Variants in IPCEF1 observed in about 807,000 individuals in gnomAD.
IPCEF1 encodes the protein interactor protein for cytohesin exchange factors 1.
A neutral mutation model predicts 50.9 loss-of-function variants in IPCEF1; 31 were observed. That is an observed-to-expected ratio of 0.61 (90% confidence interval 0.46 to 0.82). The LOEUF is 0.82. IPCEF1 is among the 40% of genes least tolerant of loss of function. The pLI, the probability that IPCEF1 is intolerant of heterozygous loss-of-function variation, is 0.00. For missense variants in IPCEF1, 458 were observed against 514.0 expected, an observed-to-expected ratio of 0.89 and a Z score of 1.05; for synonymous variants, 181 against 192.0, an observed-to-expected ratio of 0.94 and a Z score of 0.47.
chr6:154,159,379 C>T lies in IPCEF1; in HGVS notation c.*449G>A, dbSNP rs995276536. 3.5e-5 allele frequency: 6 copies of T among 171,212 alleles called. No homozygotes were observed. Among genetic ancestry groups the T allele is most frequent in the African/African-American group, 1.4e-4 (6 of 41,566 alleles). The allele number at this position is 171,212 out of a possible 1,614,324, so 10.6% of individuals were successfully genotyped here. A position where few individuals can be genotyped will look rare whatever the true frequency, so the allele number is the denominator to read the frequency against. ...TCCAGTCACTGCTCTAGAAAACATT[C>T]CTCCACTCAAACAGTGATTTGGGCC... On this transcript the variant is annotated 3_prime_UTR_variant, in exon 12 of 12. Transcript: ENST00000367220.
Position 154,355,593 on chromosome 6 carries a change from A to G in IPCEF1, c.-62+1079T>C, listed in dbSNP as rs747959780. Among the ~76,000 whole-genome samples, 72 of 151,736 alleles carry G rather than the reference A, an allele frequency of 4.7e-4. 1 individual carries two copies. Among genetic ancestry groups the G allele is most frequent in the Middle Eastern group, 3.4e-3 (1 of 294 alleles). ...AACCTCCGCTTCCCGGGTTCAAGCAATTCTCCTGCCTCAGCTTCCCAGGTA... is the reference window on the plus strand; with the variant it reads ...AACCTCCGCTTCCCGGGTTCAAGCAGTTCTCCTGCCTCAGCTTCCCAGGTA... On this transcript the variant is annotated intron_variant, in intron 1 of 11. Transcript: ENST00000367220.
At chr6:154,267,678 C>T (rs148631529) in intron 2 of IPCEF1, among the ~76,000 whole-genome samples, 28 of 152,262 alleles carry the variant, frequency 1.8e-4, no homozygotes, top group African/African-American at 2.9e-4. Context: ...ATAGGCAGGT[C>T]GTCCCATGGA....
At chr6:154,247,212 G>A (rs771083426) in intron 4 of IPCEF1, 2 of 514,106 alleles carry the variant, frequency 3.9e-6, no homozygotes, top group East Asian at 3.0e-5. Context: ...GCTACTTCCC[G>A]ACTCACTGCC....
chr6:154,333,181 CTGAG>C (rs1480035120), intron 1 of IPCEF1, among the ~76,000 whole-genome samples: 6 of 152,014 alleles, frequency 3.9e-5, no homozygotes, highest in Non-Finnish European at 1.5e-5. Flanking sequence ...ATGATTAATA[CTGAG>C]TGTCAACTTG....
At chr6:154,189,291 T>C (rs1218646064) in intron 10 of IPCEF1, among the ~76,000 whole-genome samples, 1 of 152,220 alleles carries the variant, frequency 6.6e-6, no homozygotes, top group Non-Finnish European at 1.5e-5. Context: ...GCTGAAGAGA[T>C]GTATTTTGGT....
chr6:154,240,697 TCCAAA>T (rs1780509548), intron 5 of IPCEF1, among the ~76,000 whole-genome samples: 1 of 152,132 alleles, frequency 6.6e-6, no homozygotes, highest in Non-Finnish European at 1.5e-5. Flanking sequence ...AAATATGCCT[TCCAAA>T]GATAAGAGCC....
At chr6:154,341,748 A>G (rs1783922891) in intron 1 of IPCEF1, among the ~76,000 whole-genome samples, 1 of 152,240 alleles carries the variant, frequency 6.6e-6, no homozygotes, top group African/African-American at 2.4e-5. Context: ...TTACACAAAC[A>G]CTAAAGTTGG....
intron 10 of IPCEF1, among the ~76,000 whole-genome samples, chr6:154,185,916 G>A (rs868453525): frequency 6.6e-6 from 1 of 152,214 alleles, no homozygotes; most frequent in Non-Finnish European, 1.5e-5. Context: ...TAAAGCATTT[G>A]GCTGATACCT....
chr6:154,298,183 A>T (rs1782710316), intron 1 of IPCEF1, among the ~76,000 whole-genome samples: 1 of 152,196 alleles, frequency 6.6e-6, no homozygotes, highest in African/African-American at 2.4e-5. Flanking sequence ...GAATGCAAAG[A>T]TTGTTTCAAC....
intron 9 of IPCEF1, among the ~76,000 whole-genome samples, chr6:154,205,513 T>G (rs956587229): frequency 1.4e-4 from 21 of 152,174 alleles, no homozygotes; most frequent in African/African-American, 5.1e-4. Context: ...GAGAATCACT[T>G]GAACCCAGGA....
intron 5 of IPCEF1, among the ~76,000 whole-genome samples, chr6:154,236,471 ATGCTGACGGT>A (rs1780142455): frequency 6.6e-6 from 1 of 152,194 alleles, no homozygotes; most frequent in Non-Finnish European, 1.5e-5. Flanking sequence ...GAGATGGATG[ATGCTGACGGT>A]TGCACAGTAA....
At chr6:154,217,330 T>A (rs1778482060) in intron 7 of IPCEF1, 1 of 152,152 alleles carries the variant, frequency 6.6e-6, no homozygotes, top group Non-Finnish European at 1.5e-5. Context: ...TCAGAGCTCA[T>A]GGTCAGATGA....
At chr6:154,316,081 C>A (rs1583981108) in intron 1 of IPCEF1, among the ~76,000 whole-genome samples, 1 of 152,174 alleles carries the variant, frequency 6.6e-6, no homozygotes, top group Admixed American at 6.5e-5. Context: ...TAGTCTTGAA[C>A]TCCTGGCCTC....
At chr6:154,329,278 T>G (rs1334759812) in intron 1 of IPCEF1, among the ~76,000 whole-genome samples, 1 of 151,690 alleles carries the variant, frequency 6.6e-6, no homozygotes, top group Non-Finnish European at 1.5e-5. Context: ...CTGAGAGTAA[T>G]ATTTTTAGGT....
At chr6:154,337,800 T>C (rs919012171) in intron 1 of IPCEF1, among the ~76,000 whole-genome samples, 1 of 152,194 alleles carries the variant, frequency 6.6e-6, no homozygotes, top group Non-Finnish European at 1.5e-5. Context: ...CAGTCTAAGC[T>C]TTGTGGTGTA....
intron 1 of IPCEF1, among the ~76,000 whole-genome samples, chr6:154,324,959 C>T (rs1015009630): frequency 6.6e-6 from 1 of 151,984 alleles, no homozygotes; most frequent in Non-Finnish European, 1.5e-5. Context: ...AATATTTCAA[C>T]GCATATGACA....
At chr6:154,175,466 A>C (rs979800415) in intron 10 of IPCEF1, among the ~76,000 whole-genome samples, 7 of 151,872 alleles carry the variant, frequency 4.6e-5, no homozygotes, top group African/African-American at 1.7e-4. Context: ...TCAAATAGAC[A>C]CAATAAAAAA....
rs1461361816 is a variant in IPCEF1, at chr6:154,158,914, T to C, written c.*914A>G. 1.3e-5 allele frequency: 2 copies of C among 152,274 alleles called. No individual in the cohort carries two copies. The highest frequency in any genetic ancestry group is 3.8e-4 in the East Asian group (2 of 5,208). 9.4% of individuals were successfully genotyped at this position (152,274 alleles called of 1,614,324 possible). ...GTTGCTTCCATGGGTTTTTGTTTTTTTGTTTTTTTGAGTAAAGATATTAAA... is the reference window on the plus strand; with the variant it reads ...GTTGCTTCCATGGGTTTTTGTTTTTCTGTTTTTTTGAGTAAAGATATTAAA... On this transcript the variant is annotated 3_prime_UTR_variant, in exon 12 of 12. Transcript: ENST00000367220.
intron 1 of IPCEF1, among the ~76,000 whole-genome samples, chr6:154,304,581 G>A (rs1276514970): frequency 2.0e-5 from 3 of 152,288 alleles, no homozygotes; most frequent in South Asian, 4.1e-4. Context: ...AGGTTTGCTT[G>A]TATGAGTTGA....
Sources: gnomAD v4.1 joint callset for allele counts (sites outside exome capture counted in the v4.1 genomes callset) on GRCh38, gnomAD v4.1.1 for gene constraint, MANE v1.5 for transcripts, NCBI Gene and HGNC (gene_info 2026-07-23, HGNC 2026-07-21) for gene names.